The following PCDHA1 variants were observed in gnomAD, a reference collection of about 807,000 sequenced individuals.
PCDHA1 encodes the protein protocadherin alpha 1, also known as protocadherin alpha-1.
In PCDHA1, 42 loss-of-function variants were observed where a neutral mutation model predicts 61.3. The observed-to-expected ratio is 0.69, with a 90% CI of 0.54 to 0.89. The LOEUF is 0.89. Ranked by LOEUF, PCDHA1 falls within the 40% of genes least tolerant of loss-of-function variation. The pLI is 0.00. For missense variants in PCDHA1, 1,256 were observed against 1,235.3 expected (o/e 1.02, Z -0.25); for synonymous variants, 610 against 553.8 (o/e 1.10, Z -1.43).
chr5:140,870,764 T>A, intron 1 of PCDHA1: 1 of 1,613,600 alleles, frequency 6.2e-7, no homozygotes, highest in Non-Finnish European at 8.5e-7. Flanking sequence ...CAGGTGTTCG[T>A]GCTGGACGAG....
intron 1 of PCDHA1, chr5:140,797,603 A>G (rs990262761): frequency 3.8e-5 from 19 of 506,274 alleles, no homozygotes; most frequent in Non-Finnish European, 5.2e-5. Context: ...AGACCATGAA[A>G]CACTGAAAAA....
At chr5:140,795,653 T>A (rs1057279342) in intron 1 of PCDHA1, 2 of 1,613,940 alleles carry the variant, frequency 1.2e-6, no homozygotes, top group African/African-American at 2.7e-5. Context: ...CAAATACTTA[T>A]TAAGGTATTA....
intron 1 of PCDHA1, among the ~76,000 whole-genome samples, chr5:140,872,147 A>G (rs182622131): frequency 6.6e-6 from 1 of 152,118 alleles, no homozygotes; most frequent in East Asian, 1.9e-4. Flanking sequence ...CTCCATTAGT[A>G]TGACATGATT....
Position 140,786,545 on chromosome 5 carries a change from T to C in PCDHA1, c.255T>C (p.Phe85=), listed in dbSNP as rs1052352963. The part of the protein sequence containing the change: ...LEVNLQNGIL[F]VNSRIDREEL... ...TAAATCTGCAGAATGGCATTTTGTT[T>C]GTGAATTCTCGGATCGATCGCGAGG... Residue 85 remains phenylalanine (F), a synonymous_variant, in exon 1 of 4, where the codon TTT becomes TTC. Transcript: ENST00000504120. 1.9e-6 allele frequency: 3 copies of C among 1,614,226 alleles called. No homozygotes were observed. Among genetic ancestry groups the C allele is most frequent in the East Asian group, 2.2e-5 (1 of 44,886 alleles).
chr5:140,808,815 C>A (rs782363831), intron 1 of PCDHA1: 5 of 1,612,850 alleles, frequency 3.1e-6, no homozygotes, highest in Middle Eastern at 1.8e-4. Context: ...GCCGGCGTGC[C>A]ACCTCTGGGC....
intron 1 of PCDHA1, among the ~76,000 whole-genome samples, chr5:140,976,735 T>G (rs1412647375): frequency 1.3e-5 from 2 of 152,160 alleles, no homozygotes; most frequent in Non-Finnish European, 2.9e-5. Flanking sequence ...TTAAACACAT[T>G]TTAAAAACCT....
In PCDHA1 at chr5:140,787,727, G is replaced by T. The variant is rs140952598; in HGVS notation, c.1437G>T (p.Ala479=). ...PPGCHIFTVS[A]RDADAQENAL... ...GCTGCCACATCTTCACGGTGTCTGCGCGGGACGCGGACGCGCAGGAGAACG... is the reference window on the plus strand; with the variant it reads ...GCTGCCACATCTTCACGGTGTCTGCTCGGGACGCGGACGCGCAGGAGAACG... The change falls in exon 1 of 4, where the codon GCG becomes GCT. Residue 479 remains alanine (A), a synonymous_variant. Coordinates refer to ENST00000504120, the MANE Select transcript of PCDHA1 (RefSeq NM_018900.4). 1 of 1,613,704 alleles carries T rather than the reference G, an allele frequency of 6.2e-7. No homozygotes were observed. Among genetic ancestry groups the T allele is most frequent in the Middle Eastern group, 1.7e-4 (1 of 5,834 alleles).
At chr5:140,910,451 G>A (rs2075030507) in intron 1 of PCDHA1, among the ~76,000 whole-genome samples, 1 of 152,190 alleles carries the variant, frequency 6.6e-6, no homozygotes. Flanking sequence ...GTAGTTGAGT[G>A]ACTGTGGTTC....
intron 1 of PCDHA1, chr5:140,801,051 G>C: frequency 6.9e-7 from 1 of 1,440,338 alleles, no homozygotes; most frequent in African/African-American, 1.4e-5. Context: ...AGAAATAACA[G>C]CGTGCATTAC....
intron 1 of PCDHA1, chr5:140,801,541 AGGTTTT>A: frequency 6.2e-7 from 1 of 1,614,232 alleles, no homozygotes; most frequent in Non-Finnish European, 8.5e-7. Context: ...AGGCCGCTGC[AGGTTTT>A]CCATGTGGAG....
chr5:140,995,265 G>A (rs1293855932), intron 3 of PCDHA1, among the ~76,000 whole-genome samples: 1 of 152,102 alleles, frequency 6.6e-6, no homozygotes, highest in African/African-American at 2.4e-5. Context: ...TTGAATACAA[G>A]CCCTTTGATA....
chr5:140,863,075 C>A (rs546237964), intron 1 of PCDHA1: 2 of 569,532 alleles, frequency 3.5e-6, no homozygotes, highest in South Asian at 1.4e-5. Context: ...GGGCTCTGCA[C>A]GGGCGAGATC....
chr5:140,967,608 C>T, intron 1 of PCDHA1: 1 of 1,614,160 alleles, frequency 6.2e-7, no homozygotes, highest in Non-Finnish European at 8.5e-7. Flanking sequence ...AAGCTGAATG[C>T]CTCAGACCCG....
chr5:140,940,413 A>G (rs2092607327), intron 1 of PCDHA1, among the ~76,000 whole-genome samples: 1 of 152,166 alleles, frequency 6.6e-6, no homozygotes, highest in East Asian at 1.9e-4. Context: ...TTTAAAAATT[A>G]TAATTATTAC....
intron 1 of PCDHA1, chr5:140,876,435 C>T: frequency 6.2e-7 from 1 of 1,613,970 alleles, no homozygotes; most frequent in South Asian, 1.1e-5. Context: ...TTCAGGTTAA[C>T]GCCATTGATA....
At chr5:140,996,622 G>C (rs2097735162) in intron 3 of PCDHA1, among the ~76,000 whole-genome samples, 1 of 152,156 alleles carries the variant, frequency 6.6e-6, no homozygotes, top group African/African-American at 2.4e-5. Context: ...AATTTCACTG[G>C]TTCCTGCAAA....
At chr5:140,902,313 C>T (rs2069368502) in intron 1 of PCDHA1, among the ~76,000 whole-genome samples, 1 of 150,820 alleles carries the variant, frequency 6.6e-6, no homozygotes, top group African/African-American at 2.4e-5. Context: ...GCTGGGATTA[C>T]AGGTGTAACT....
At chr5:140,883,577 G>A (rs782633953) in intron 1 of PCDHA1, 3 of 1,614,052 alleles carry the variant, frequency 1.9e-6, no homozygotes, top group Non-Finnish European at 2.5e-6. Context: ...TTCGCTGTGG[G>A]CCACGGCCAG....
chr5:140,961,793 A>G (rs1554225592), intron 1 of PCDHA1, among the ~76,000 whole-genome samples: 2 of 152,166 alleles, frequency 1.3e-5, no homozygotes, highest in Admixed American at 1.3e-4. Flanking sequence ...TTTTTAAAAG[A>G]TAGGAAATTG....
Sources: allele counts gnomAD v4.1 joint callset (sites outside exome capture counted in the v4.1 genomes callset), GRCh38; gene constraint gnomAD v4.1.1; transcripts MANE v1.5; gene names NCBI Gene and HGNC (gene_info 2026-07-23, HGNC 2026-07-21).